The following JAM3 variants were observed in gnomAD, a reference collection of about 807,000 sequenced individuals.
The protein encoded by JAM3 is junctional adhesion molecule C.
A neutral mutation model predicts 39.4 loss-of-function variants in JAM3; 31 were observed. The observed-to-expected ratio is 0.79, with a 90% CI of 0.59 to 1.06. JAM3 has a LOEUF of 1.06. JAM3 is among the 50% of genes least tolerant of loss of function. The pLI, the probability that JAM3 is intolerant of heterozygous loss-of-function variation, is 0.00. For missense variants in JAM3, 455 were observed against 391.4 expected, an observed-to-expected ratio of 1.16 and a Z score of -1.37; for synonymous variants, 182 against 148.7, an observed-to-expected ratio of 1.22 and a Z score of -1.63.
intron 1 of JAM3, among the ~76,000 whole-genome samples, chr11:134,094,844 G>T (rs1198164404): frequency 6.6e-6 from 1 of 152,218 alleles, no homozygotes. Flanking sequence ...AGTAGGAATT[G>T]TTCACTGCAT....
At chr11:134,105,664 C>A (rs1016796076) in intron 1 of JAM3, among the ~76,000 whole-genome samples, 2 of 152,166 alleles carry the variant, frequency 1.3e-5, no homozygotes, top group Non-Finnish European at 2.9e-5. Context: ...TCTCAGGATA[C>A]AAAATCAATG....
chr11:134,115,369 T>C (rs933499345), intron 1 of JAM3, among the ~76,000 whole-genome samples: 1 of 152,198 alleles, frequency 6.6e-6, no homozygotes, highest in South Asian at 2.1e-4. Flanking sequence ...TTTACTGATA[T>C]AGTTAGGTTT....
chr11:134,106,046 T>C (rs947418050), intron 1 of JAM3, among the ~76,000 whole-genome samples: 23 of 152,178 alleles, frequency 1.5e-4, no homozygotes, highest in Non-Finnish European at 3.1e-4. Context: ...GCCAAGTCAA[T>C]AATAAGCCAA....
chr11:134,147,551 A>T (rs1943099260), intron 6 of JAM3, among the ~76,000 whole-genome samples: 1 of 148,260 alleles, frequency 6.7e-6, no homozygotes, highest in Non-Finnish European at 1.5e-5. Context: ...CAGTGGCACA[A>T]TCTCGGCTCA....
intron 1 of JAM3, among the ~76,000 whole-genome samples, chr11:134,110,702 G>A (rs1460451365): frequency 7.2e-6 from 1 of 138,464 alleles, no homozygotes; most frequent in African/African-American, 3.1e-5. Flanking sequence ...ACTTTTGAGG[G>A]TGGTGGGTAG....
At chr11:134,079,092 C>G (rs925643683) in intron 1 of JAM3, among the ~76,000 whole-genome samples, 1 of 151,906 alleles carries the variant, frequency 6.6e-6, no homozygotes, top group Non-Finnish European at 1.5e-5. Context: ...TCATCGCATA[C>G]ACCCCCAGGA....
intron 1 of JAM3, among the ~76,000 whole-genome samples, chr11:134,107,992 GA>G (rs1174933403): frequency 1.3e-5 from 2 of 151,750 alleles, no homozygotes; most frequent in South Asian, 2.1e-4. Context: ...AAAAACAACA[GA>G]AAAAAACCAG....
rs377660057 is a variant in JAM3 at position 134,103,954 on chromosome 11, G to C, written c.76+34795G>C. ...CTGTCAACATTAGACAGATCAACGA[G>C]ACAAAGTTAACAAGGATATCCAGGA... On this transcript the variant is annotated intron_variant, in intron 1 of 8. Coordinates refer to ENST00000299106, the MANE Select transcript of JAM3 (RefSeq NM_032801.5). Among the ~76,000 whole-genome samples the C allele has an allele frequency of 4.3e-4, 65 of 152,186 alleles. No individual in the cohort carries two copies. In the East Asian group the frequency reaches 0.012, roughly 28 times the overall value.
At chr11:134,133,387 A>G (rs915058567) in intron 1 of JAM3, among the ~76,000 whole-genome samples, 1 of 152,058 alleles carries the variant, frequency 6.6e-6, no homozygotes, top group African/African-American at 2.4e-5. Flanking sequence ...TAGGGGAAAA[A>G]CTTTTGAGTC....
intron 1 of JAM3, among the ~76,000 whole-genome samples, chr11:134,104,612 C>G (rs1199442682): frequency 6.6e-6 from 1 of 151,830 alleles, no homozygotes; most frequent in Non-Finnish European, 1.5e-5. Flanking sequence ...AGACCGCTAG[C>G]AAGACTAATA....
chr11:134,094,593 C>A (rs1005606602), intron 1 of JAM3, among the ~76,000 whole-genome samples: 1 of 149,650 alleles, frequency 6.7e-6, no homozygotes, highest in Non-Finnish European at 1.5e-5. Flanking sequence ...TTCCACCTTA[C>A]ATGTCACTTC....
At chr11:134,149,121 C>G (rs770477046) in intron 8 of JAM3, 25 bp from the exon 9 acceptor site, 2 of 1,613,580 alleles carry the variant, frequency 1.2e-6, no homozygotes, top group South Asian at 2.2e-5. Context: ...CCCTTGATGG[C>G]TCTAACTGTG....
chr11:134,070,853 C>T (rs994550294), intron 1 of JAM3, among the ~76,000 whole-genome samples: 4 of 152,166 alleles, frequency 2.6e-5, no homozygotes, highest in African/African-American at 9.7e-5. Context: ...AGTTTTGTGG[C>T]TTTTTTGCTG....
intron 1 of JAM3, among the ~76,000 whole-genome samples, chr11:134,070,517 C>G (rs1233837469): frequency 6.6e-6 from 1 of 150,764 alleles, no homozygotes. Context: ...TACGCTAAGG[C>G]AAAGTCTGTA....
At chr11:134,137,672 A>T (rs1027835129) in intron 1 of JAM3, among the ~76,000 whole-genome samples, 1 of 151,662 alleles carries the variant, frequency 6.6e-6, no homozygotes, top group Non-Finnish European at 1.5e-5. Context: ...GTCTCGTCTA[A>T]GTCGTGGTGC....
At chr11:134,118,615 T>A (rs1431627794) in intron 1 of JAM3, among the ~76,000 whole-genome samples, 1 of 152,194 alleles carries the variant, frequency 6.6e-6, no homozygotes, top group African/African-American at 2.4e-5. Context: ...TCTGCTGCCT[T>A]CACCCTGCCT....
intron 1 of JAM3, among the ~76,000 whole-genome samples, chr11:134,129,511 C>T (rs1196757002): frequency 6.6e-6 from 1 of 152,010 alleles, no homozygotes. Flanking sequence ...AATTTAAAGC[C>T]TTTAAATTTG....
intron 1 of JAM3, among the ~76,000 whole-genome samples, chr11:134,091,202 A>G (rs1161190148): frequency 6.6e-6 from 1 of 152,164 alleles, no homozygotes; most frequent in Non-Finnish European, 1.5e-5. Flanking sequence ...CTCTATAAAA[A>G]ATAAAAATAA....
intron 1 of JAM3, among the ~76,000 whole-genome samples, chr11:134,077,510 C>T (rs1487776714): frequency 1.3e-5 from 2 of 151,674 alleles, no homozygotes; most frequent in South Asian, 2.1e-4. Flanking sequence ...GTTACAGGAT[C>T]CTGCCACCAT....
Sources: allele counts gnomAD v4.1 joint callset (sites outside exome capture counted in the v4.1 genomes callset), GRCh38; gene constraint gnomAD v4.1.1; transcripts MANE v1.5; gene names NCBI Gene and HGNC (gene_info 2026-07-23, HGNC 2026-07-21).